Variants in LOC128462377 observed in about 807,000 individuals in gnomAD.
the LOC128462377 span, among the ~76,000 whole-genome samples, chr16:89,325,823 G>A: frequency 1.7e-4 from 26 of 152,208 alleles, no homozygotes; most frequent in Non-Finnish European, 3.4e-4. Flanking sequence ...TTTTGCTGCA[G>A]GACCTGTTCT....
the LOC128462377 span, among the ~76,000 whole-genome samples, chr16:89,332,253 CACTGAA>C: frequency 6.6e-6 from 1 of 152,180 alleles, no homozygotes; most frequent in African/African-American, 2.4e-5. Context: ...AGACTATAAA[CACTGAA>C]ACAGACAAAA....
At chr16:89,350,617 T>G in the LOC128462377 span, among the ~76,000 whole-genome samples, 1 of 152,120 alleles carries the variant, frequency 6.6e-6, no homozygotes, top group Non-Finnish European at 1.5e-5. Flanking sequence ...CGAAAGCACA[T>G]CAGCATCCTG....
At chr16:89,367,150 A>AG in the LOC128462377 span, among the ~76,000 whole-genome samples, 1 of 152,108 alleles carries the variant, frequency 6.6e-6, no homozygotes, top group African/African-American at 2.4e-5. Context: ...CCCATCGGTG[A>AG]GGAAGAGCAG....
At chr16:89,326,036 C>T in the LOC128462377 span, among the ~76,000 whole-genome samples, 2 of 152,236 alleles carry the variant, frequency 1.3e-5, no homozygotes, top group African/African-American at 4.8e-5. Flanking sequence ...AGGAGACACA[C>T]AGCTCTGTGA....
At chr16:89,409,996 C>A in the LOC128462377 span, among the ~76,000 whole-genome samples, 2 of 152,086 alleles carry the variant, frequency 1.3e-5, no homozygotes, top group Non-Finnish European at 2.9e-5. Flanking sequence ...CCCGCCACCA[C>A]GCCCGGCTAA....
chr16:89,334,104 T>C, the LOC128462377 span, among the ~76,000 whole-genome samples: 6 of 135,938 alleles, frequency 4.4e-5, no homozygotes, highest in South Asian at 1.1e-3. Context: ...TTAAGCCCAG[T>C]TCAAGACCAG....
chr16:89,337,099 T>C, the LOC128462377 span, among the ~76,000 whole-genome samples: 4 of 150,684 alleles, frequency 2.7e-5, no homozygotes, highest in African/African-American at 7.3e-5. Context: ...GATGGGAGGA[T>C]TGCTTGAACC....
At chr16:89,354,980 A>C in the LOC128462377 span, among the ~76,000 whole-genome samples, 6,003 of 152,304 alleles carry the variant, frequency 0.039, 250 homozygotes, top group East Asian at 0.2. Context: ...CAGACTTTCC[A>C]AGTCCCAGGA....
the LOC128462377 span, among the ~76,000 whole-genome samples, chr16:89,410,070 A>C: frequency 6.6e-6 from 1 of 152,058 alleles, no homozygotes; most frequent in Non-Finnish European, 1.5e-5. Context: ...CGATCTCCTG[A>C]CCTCGTGATC....
At chr16:89,348,751 T>A in the LOC128462377 span, among the ~76,000 whole-genome samples, 1 of 152,292 alleles carries the variant, frequency 6.6e-6, no homozygotes, top group East Asian at 1.9e-4. Flanking sequence ...CAAATTCCCT[T>A]ATTGTACTTT....
At chr16:89,330,697 C>G in the LOC128462377 span, among the ~76,000 whole-genome samples, 103 of 124,038 alleles carry the variant, frequency 8.3e-4, no homozygotes, top group African/African-American at 3.0e-3. Flanking sequence ...GAAGCTGCAG[C>G]ATCTCTTGTA....
chr16:89,368,193 G>A, the LOC128462377 span, among the ~76,000 whole-genome samples: 4 of 150,798 alleles, frequency 2.7e-5, no homozygotes, highest in South Asian at 6.3e-4. Context: ...CTCTTAACAT[G>A]TTTTCGAGCT....
At chr16:89,415,071 C>G in the LOC128462377 span, among the ~76,000 whole-genome samples, 3 of 151,696 alleles carry the variant, frequency 2.0e-5, no homozygotes, top group African/African-American at 7.3e-5. Context: ...CGCTCAGCCT[C>G]CCCAAGTAGC....
At chr16:89,361,567 T>G in the LOC128462377 span, 1 of 152,262 alleles carries the variant, frequency 6.6e-6, no homozygotes, top group Non-Finnish European at 1.5e-5. Context: ...AACATCCGCA[T>G]CACCAGAAGG....
At chr16:89,361,299 C>T in the LOC128462377 span, among the ~76,000 whole-genome samples, 1 of 152,218 alleles carries the variant, frequency 6.6e-6, no homozygotes, top group African/African-American at 2.4e-5. Flanking sequence ...TCCTTGGCCT[C>T]AGCACACACA....
At chr16:89,377,321 T>C in the LOC128462377 span, among the ~76,000 whole-genome samples, 1 of 152,038 alleles carries the variant, frequency 6.6e-6, no homozygotes, top group Non-Finnish European at 1.5e-5. Flanking sequence ...CCATGAAAGA[T>C]GCCATCATTG....
the LOC128462377 span, among the ~76,000 whole-genome samples, chr16:89,381,951 T>C: frequency 6.6e-6 from 1 of 152,192 alleles, no homozygotes; most frequent in East Asian, 1.9e-4. Flanking sequence ...TCAGACTGTA[T>C]CTAGTTCTAT....
chr16:89,321,451 G>GGGAGCTGCGGGGCT, the LOC128462377 span, among the ~76,000 whole-genome samples: 4,816 of 145,686 alleles, frequency 0.033, 339 homozygotes, highest in African/African-American at 0.12. Context: ...GGTGTGGGGC[G>GGGAGCTGCGGGGCT]GGAGCTGCGG....
At chr16:89,393,508 T>G in the LOC128462377 span, among the ~76,000 whole-genome samples, 57 of 112,956 alleles carry the variant, frequency 5.0e-4, no homozygotes, top group Admixed American at 1.3e-3. Flanking sequence ...TTTTTTTTTT[T>G]GTATTTTTAA....
Sources: gnomAD v4.1 joint callset for allele counts (sites outside exome capture counted in the v4.1 genomes callset) on GRCh38, gnomAD v4.1.1 for gene constraint, MANE v1.5 for transcripts.